MYT1L: variants seen among roughly 807,000 people sequenced by gnomAD.
The protein encoded by MYT1L is myelin transcription factor 1 like.
In MYT1L, 12 loss-of-function variants were observed where a neutral mutation model predicts 126.7. That is an observed-to-expected ratio of 0.09 (90% CI 0.06 to 0.15). The LOEUF (loss-of-function observed/expected upper bound fraction) is 0.15. Ranked by LOEUF, MYT1L falls within the 10% of genes least tolerant of loss-of-function variation. The probability of loss-of-function intolerance (pLI) is 1.00; values close to 1 mark genes in which losing one functional copy is unlikely to be tolerated. For missense variants in MYT1L, 979 were observed against 1,585.2 expected (o/e 0.62, Z 6.49); for synonymous variants, 541 against 604.2 (o/e 0.90, Z 1.53).
chr2:2,287,356 T>G (rs1211044734), intron 1 of MYT1L, among the ~76,000 whole-genome samples: 2 of 152,224 alleles, frequency 1.3e-5, no homozygotes, highest in African/African-American at 4.8e-5. Context: ...AAAAATTGAC[T>G]AGACGAAGTT....
intron 9 of MYT1L, among the ~76,000 whole-genome samples, chr2:1,939,101 TC>T (rs931489535): frequency 3.3e-5 from 5 of 152,216 alleles, no homozygotes; most frequent in Admixed American, 2.0e-4. Context: ...CATGACCTTG[TC>T]CCAGCAGTTC....
At position 1,934,181 on chromosome 2, in the gene MYT1L, A is replaced by T. The variant is rs184565192; in HGVS notation, c.505+8801T>A. ...AGTAGAGACGGGGTTTCATCGTGTT[A>T]GCCAGGATGGTCTCGATCTCCTGAC... On this transcript the variant is annotated intron_variant, in intron 9 of 24. Coordinates refer to ENST00000647738, the MANE Select transcript of MYT1L (RefSeq NM_001303052.2). Among the ~76,000 whole-genome samples the T allele has an allele frequency of 1.1e-4, 16 of 151,234 alleles. No homozygotes were observed. In the East Asian group the frequency reaches 3.0e-3, roughly 28 times the overall value.
intron 18 of MYT1L, among the ~76,000 whole-genome samples, chr2:1,867,498 C>G (rs2045733513): frequency 6.6e-6 from 1 of 152,168 alleles, no homozygotes; most frequent in African/African-American, 2.4e-5. Flanking sequence ...CAACTTCAGT[C>G]TCAAGGGTGT....
Position 1,802,436 on chromosome 2 carries a change from G to C in MYT1L, c.3173-637C>G, listed in dbSNP as rs556353463. 1.4e-4 allele frequency among the ~76,000 whole-genome samples: 22 copies of C among 152,328 alleles called. 1 individual carries two copies. The highest frequency in any genetic ancestry group is 5.1e-4 in the African/African-American group (21 of 41,576). On this transcript the variant is annotated intron_variant, in intron 22 of 24. Coordinates refer to ENST00000647738, the MANE Select transcript of MYT1L (RefSeq NM_001303052.2). ...GGAGATGGCCACAAAAGGGCTCTCT[G>C]AATATTCGACATTTAGCAAATAAAA...
chr2:1,797,502 G>A (rs1463828348), intron 23 of MYT1L, among the ~76,000 whole-genome samples: 2 of 152,332 alleles, frequency 1.3e-5, no homozygotes, highest in South Asian at 4.1e-4. Flanking sequence ...TTACAGGCGT[G>A]AGCCACTGTG....
At chr2:2,319,848 A>G (rs1319573785) in intron 1 of MYT1L, among the ~76,000 whole-genome samples, 2 of 151,790 alleles carry the variant, frequency 1.3e-5, no homozygotes, top group African/African-American at 4.8e-5. Flanking sequence ...ACTCAGTTCT[A>G]TCTCATTTGG....
At chr2:1,967,721 A>AC (rs1388023926) in intron 8 of MYT1L, among the ~76,000 whole-genome samples, 14 of 152,162 alleles carry the variant, frequency 9.2e-5, no homozygotes, top group Admixed American at 5.2e-4. Flanking sequence ...GTGGAAGAGG[A>AC]TGGGGGGAGG....
At chr2:1,839,498 GAA>G (rs2041364246) in intron 20 of MYT1L, 128 bp from the exon 21 acceptor site, 1 of 810,540 alleles carries the variant, frequency 1.2e-6, no homozygotes, top group Admixed American at 2.7e-5. Context: ...TGGGCAAAAG[GAA>G]AAGAAAAAAG....
chr2:2,053,847 T>A (rs780390337), intron 4 of MYT1L, 131 bp downstream of exon 4: 1 of 152,664 alleles, frequency 6.6e-6, no homozygotes, highest in Non-Finnish European at 1.5e-5. Flanking sequence ...GTATTCTTTA[T>A]CAAATAAAAT....
chr2:2,205,567 C>A (rs957978046), intron 2 of MYT1L, among the ~76,000 whole-genome samples: 1 of 152,170 alleles, frequency 6.6e-6, no homozygotes, highest in African/African-American at 2.4e-5. Flanking sequence ...ATTCCCATGC[C>A]CTTTTCTTTA....
At chr2:1,952,387 A>G (rs772242025) in intron 8 of MYT1L, among the ~76,000 whole-genome samples, 47 of 152,262 alleles carry the variant, frequency 3.1e-4, no homozygotes, top group Non-Finnish European at 3.1e-4. Flanking sequence ...CAATAATGAG[A>G]GTAAAGGTAC....
chr2:1,831,099 C>T lies in MYT1L; in HGVS notation c.3080+8050G>A, dbSNP rs75866445. Among the ~76,000 whole-genome samples the T allele has an allele frequency of 3.2e-3, 487 of 152,240 alleles. 1 individual carries two copies. Among genetic ancestry groups the T allele is most frequent in the African/African-American group, 0.011 (442 of 41,550 alleles). ...TTGGAATCCCCTCTCCTGAAGGTGT[C>T]CCAGACACCACCACACCCTGCAACC... On this transcript the variant is annotated intron_variant, in intron 21 of 24. Transcript: ENST00000647738.
At chr2:2,288,508 A>C (rs969344531) in intron 1 of MYT1L, among the ~76,000 whole-genome samples, 1 of 152,230 alleles carries the variant, frequency 6.6e-6, no homozygotes, top group Non-Finnish European at 1.5e-5. Context: ...ATGTGCCGTA[A>C]AGGTAAAATA....
intron 4 of MYT1L, among the ~76,000 whole-genome samples, chr2:2,052,232 T>A (rs543366522): frequency 3.3e-5 from 5 of 152,170 alleles, no homozygotes; most frequent in African/African-American, 4.8e-5. Context: ...TATACCCACA[T>A]GCAAAAGAAT....
intron 11 of MYT1L, among the ~76,000 whole-genome samples, chr2:1,913,498 G>A (rs2052356366): frequency 6.6e-6 from 1 of 152,112 alleles, no homozygotes; most frequent in Non-Finnish European, 1.5e-5. Context: ...CCTACAGGGA[G>A]GCCTCTCCAG....
intron 8 of MYT1L, among the ~76,000 whole-genome samples, chr2:1,973,237 T>G (rs1292615607): frequency 1.3e-5 from 2 of 152,254 alleles, no homozygotes; most frequent in African/African-American, 4.8e-5. Context: ...GTATCACTGT[T>G]GCAAGGAAGG....
rs1294623738 is a variant in MYT1L, at chr2:1,979,528, G to A, written c.82C>T (p.Leu28=). Residue 28 remains leucine, a synonymous_variant, in exon 7 of 25, where the codon CTG becomes TTG. Coordinates refer to ENST00000647738, the MANE Select transcript of MYT1L (RefSeq NM_001303052.2). This position sits in a 1 kb window ranked among gnomAD's most constrained non-coding sequence, Gnocchi z 4.0. ...RVPVEPAIQE[L]FSCPTPGCDG... ...TACCCACATGGCACTAACCTGAACA[G>A]CTCTTGTATGGCTGGTTCCACGGGA... The A allele has an allele frequency of 1.2e-6, 2 of 1,613,844 alleles. No individual in the cohort carries two copies. Among genetic ancestry groups the A allele is most frequent in the Admixed American group, 3.3e-5 (2 of 60,026 alleles).
chr2:2,117,102 C>T (rs1381971648), intron 3 of MYT1L, among the ~76,000 whole-genome samples: 1 of 152,200 alleles, frequency 6.6e-6, no homozygotes, highest in Admixed American at 6.5e-5. Context: ...CAGCTGCCCA[C>T]CCTTGCGTTC....
chr2:2,063,845 A>G (rs1269245252), intron 3 of MYT1L, among the ~76,000 whole-genome samples: 1 of 150,958 alleles, frequency 6.6e-6, no homozygotes, highest in Non-Finnish European at 1.5e-5. Context: ...ACTCTGTCTC[A>G]AAAAAAACAA....
Sources: allele counts gnomAD v4.1 joint callset (sites outside exome capture counted in the v4.1 genomes callset), GRCh38; gene constraint gnomAD v4.1.1; non-coding constraint Gnocchi (gnomAD v3.1); transcripts MANE v1.5; gene names NCBI Gene and HGNC (gene_info 2026-07-23, HGNC 2026-07-21).